The following CFLAR variants were observed in gnomAD, a reference collection of about 807,000 sequenced individuals.
CFLAR encodes CASP8 and FADD-like apoptosis regulator.
Under a neutral mutation model 51.1 loss-of-function variants are expected in CFLAR, and 14 were observed. The ratio of observed to expected loss-of-function variants is 0.27; its 90% CI spans 0.18 to 0.43. The LOEUF is 0.43. Among genes scored for constraint, CFLAR ranks in the 20% least tolerant of loss-of-function variants. CFLAR has a pLI of 1.00. For synonymous variants in CFLAR, 210 were observed against 211.6 expected (o/e 0.99, Z 0.06); for missense variants, 390 against 566.5 (o/e 0.69, Z 3.16).
At position 201,138,670 on chromosome 2, in the gene CFLAR, C is replaced by T; in HGVS notation, c.524-1687C>T. ...CCATGACGCATCTTGGCCTCCAACACATCACCCACAGTGTGCAAGGGGCTC... is the reference window on the plus strand; with the variant it reads ...CCATGACGCATCTTGGCCTCCAACATATCACCCACAGTGTGCAAGGGGCTC... On this transcript the variant is annotated intron_variant, in intron 4 of 9. Transcript: ENST00000309955. The surrounding 1 kb of genome is among the most constrained non-coding windows in gnomAD (Gnocchi z 4.0). 9.9e-7 allele frequency: 1 copy of T among 1,006,952 alleles called. No homozygotes were observed. Among genetic ancestry groups the T allele is most frequent in the Admixed American group, 1.7e-5 (1 of 58,334 alleles). 62.4% of individuals were successfully genotyped at this position (1,006,952 alleles called of 1,614,324 possible).
intron 9 of CFLAR, chr2:201,162,935 G>A (rs986810974): frequency 1.6e-5 from 11 of 686,786 alleles, no homozygotes; most frequent in African/African-American, 7.0e-5. Context: ...GCTTTCATAC[G>A]AAGTAAGTAT....
At position 201,169,334 on chromosome 2, in the gene CFLAR, C is replaced by T. The variant is rs1213214070; in HGVS notation, c.*5361C>T. The stretch of plus-strand genomic sequence containing the variant: ...ACATCTACAGCCATCTGATCATCGA[C>T]AAACCTGACAAAAACAAGCAATGGG... On this transcript the variant is annotated 3_prime_UTR_variant, in exon 10 of 10. Transcript: ENST00000309955. The T allele has an allele frequency of 6.6e-6, 1 of 152,122 alleles. No individual in the cohort carries two copies. The highest frequency in any genetic ancestry group is 1.5e-5 in the Non-Finnish European group (1 of 68,030). The allele number at this position is 152,122 out of a possible 1,614,324, so 9.4% of individuals were successfully genotyped here. A position where few individuals can be genotyped will look rare whatever the true frequency, so the allele number is the denominator to read the frequency against.
At chr2:201,149,863 G>A (rs376809478) in intron 8 of CFLAR, 28 bp downstream of exon 8, 97 of 1,552,600 alleles carry the variant, frequency 6.2e-5, no homozygotes, top group African/African-American at 9.5e-5. Context: ...AGATTAACTG[G>A]TGCCCCCAGA....
intron 3 of CFLAR, among the ~76,000 whole-genome samples, chr2:201,134,283 G>A (rs1444562972): frequency 6.6e-6 from 1 of 151,950 alleles, no homozygotes; most frequent in African/African-American, 2.4e-5. Flanking sequence ...ACTCCAGCCT[G>A]GGCGACGGAG....
intron 5 of CFLAR, chr2:201,141,451 C>T: frequency 6.5e-7 from 1 of 1,549,672 alleles, no homozygotes; most frequent in Non-Finnish European, 8.7e-7. Flanking sequence ...GGAACTGCCT[C>T]TACTTAATCA....
chr2:201,145,550 A>T, intron 6 of CFLAR, 118 bp downstream of exon 6: 1 of 705,524 alleles, frequency 1.4e-6, no homozygotes, highest in Non-Finnish European at 2.5e-6. Context: ...AAGCTCTCAA[A>T]ATAAAAACTG....
chr2:201,158,552 G>A (rs1424196266), intron 8 of CFLAR, among the ~76,000 whole-genome samples: 3 of 152,084 alleles, frequency 2.0e-5, no homozygotes, highest in African/African-American at 4.8e-5. Context: ...TCCATGATTA[G>A]AGACGTGTGA....
intron 3 of CFLAR, 58 bp downstream of exon 3, chr2:201,133,192 C>G (rs1225453890): frequency 8.0e-7 from 1 of 1,252,524 alleles, no homozygotes. Flanking sequence ...GGGAGCTACT[C>G]TTGTTGATAC....
chr2:201,148,675 T>TCACC, intron 6 of CFLAR: 1 of 274,848 alleles, frequency 3.6e-6, no homozygotes, highest in Non-Finnish European at 7.2e-6. Context: ...TATTGTTGGG[T>TCACC]GGTGAGGTTA....
chr2:201,161,475 G>A (rs1248293936), intron 9 of CFLAR, among the ~76,000 whole-genome samples: 1 of 148,248 alleles, frequency 6.7e-6, no homozygotes, highest in Middle Eastern at 3.4e-3. Context: ...GTGCATTGGC[G>A]CAATCTTGGC....
chr2:201,129,850 C>T lies in CFLAR; in HGVS notation c.-16C>T. On this transcript the variant is annotated 5_prime_UTR_variant, in exon 2 of 10. Coordinates refer to ENST00000309955, the MANE Select transcript of CFLAR (RefSeq NM_003879.7). ...TACTGCAAGACCCTTGTGAGCTTCC[C>T]TAGTCTAAGAGTAGGATGTCTGCTG... 2.5e-6 allele frequency: 4 copies of T among 1,611,636 alleles called. No homozygotes were observed. The highest frequency in any genetic ancestry group is 3.4e-6 in the Non-Finnish European group (4 of 1,178,836).
rs777136234 is a variant in CFLAR at position 201,145,399 on chromosome 2, G to C, written c.628G>C (p.Glu210Gln). 6.2e-7 allele frequency: 1 copy of C among 1,607,580 alleles called. No individual in the cohort carries two copies. The highest frequency in any genetic ancestry group is 2.2e-5 in the East Asian group (1 of 44,844). Reference sequence around the variant, plus strand: ...GAAGCTCCATAATGGGAGAAGTAAAGAACAAAGACTTAAGGAACAGCTTGG... The same window carrying C: ...GAAGCTCCATAATGGGAGAAGTAAACAACAAAGACTTAAGGAACAGCTTGG... ...NFRLHNGRSK[E>Q]QRLKEQLGAQ... Residue 210 changes from glutamate to glutamine, a missense_variant, in exon 6 of 10, where the codon GAA becomes CAA. Transcript: ENST00000309955.
chr2:201,136,314 ATC>A, intron 4 of CFLAR: 1 of 1,598,814 alleles, frequency 6.3e-7, no homozygotes. Flanking sequence ...TATATTCATG[ATC>A]TCTGCAAAAT....
Position 201,140,342 on chromosome 2 carries a change from C to G in CFLAR, c.524-15C>G. 1 of 1,594,784 alleles carries G rather than the reference C, an allele frequency of 6.3e-7. No homozygotes were observed. The highest frequency in any genetic ancestry group is 8.6e-7 in the Non-Finnish European group (1 of 1,167,690). The stretch of plus-strand genomic sequence containing the variant: ...TTGTAAGTTTTAACTCAGTACCTCC[C>G]TTCTGCTTTTATAGTTCAAGGAGCA... On this transcript the variant is annotated splice_polypyrimidine_tract_variant and intron_variant, in intron 4 of 9. Coordinates refer to ENST00000309955, the MANE Select transcript of CFLAR (RefSeq NM_003879.7).
intron 1 of CFLAR, 140 bp from the exon 2 acceptor site, chr2:201,129,589 T>G (rs2049042311): frequency 2.3e-6 from 1 of 437,808 alleles, no homozygotes; most frequent in East Asian, 3.2e-5. Context: ...TCCCTTTCTT[T>G]AGACTTCTAT....
At chr2:201,145,904 G>A (rs981443623) in intron 6 of CFLAR, among the ~76,000 whole-genome samples, 3 of 152,022 alleles carry the variant, frequency 2.0e-5, no homozygotes, top group Non-Finnish European at 2.9e-5. Context: ...ATTTCAACCC[G>A]CATGAGCTGT....
rs1937613785 is a variant in CFLAR at position 201,138,886 on chromosome 2, T to C, written c.524-1471T>C. The stretch of plus-strand genomic sequence containing the variant: ...ATCAGCGGCGTCTTCAGAGTGACCA[T>C]TGGGTCAGGGCTGAGGTCAGGTCCA... On this transcript the variant is annotated intron_variant, in intron 4 of 9. Transcript: ENST00000309955. This position sits in a 1 kb window ranked among gnomAD's most constrained non-coding sequence, Gnocchi z 4.0. 6 of 692,048 alleles carry C rather than the reference T, an allele frequency of 8.7e-6. No homozygotes were observed. The highest frequency in any genetic ancestry group is 3.0e-5 in the East Asian group (1 of 33,076). 42.9% of individuals were successfully genotyped at this position (692,048 alleles called of 1,614,324 possible).
chr2:201,142,144 T>C (rs1301052372), intron 5 of CFLAR, among the ~76,000 whole-genome samples: 2 of 151,934 alleles, frequency 1.3e-5, no homozygotes, highest in African/African-American at 4.8e-5. Flanking sequence ...GGCATGATGG[T>C]GTGCCTTTAG....
intron 9 of CFLAR, 74 bp downstream of exon 9, chr2:201,161,016 T>G: frequency 9.8e-7 from 1 of 1,017,622 alleles, no homozygotes. Context: ...ATTACCACTG[T>G]GCCACATTTG....
Sources: gnomAD v4.1 joint callset for allele counts (sites outside exome capture counted in the v4.1 genomes callset) on GRCh38, gnomAD v4.1.1 for gene constraint, Gnocchi (gnomAD v3.1) non-coding constraint, MANE v1.5 for transcripts, NCBI Gene and HGNC (gene_info 2026-07-23, HGNC 2026-07-21) for gene names.